PAX7: variants seen among roughly 807,000 people sequenced by gnomAD.
PAX7 encodes paired box 7.
A neutral mutation model predicts 50.7 loss-of-function variants in PAX7; 18 were observed. That is an observed-to-expected ratio of 0.36 (90% CI 0.25 to 0.53). The LOEUF (loss-of-function observed/expected upper bound fraction) is 0.53, where lower values mean the gene tolerates loss of function less well. PAX7 is among the 20% of genes least tolerant of loss of function. PAX7 has a pLI of 0.93. For missense variants in PAX7, 644 were observed against 702.9 expected (o/e 0.92, Z 0.95); for synonymous variants, 310 against 290.4 (o/e 1.07, Z -0.69).
In PAX7 at chr1:18,703,114, C is replaced by G; in HGVS notation, c.973C>G (p.Arg325Gly). The change falls in exon 7 of 9, where the codon CGG becomes GGG. Residue 325 changes from arginine (R) to glycine (G), a missense_variant. Physicochemically the swap from Arg to Gly is moderately radical, Grantham distance 125. Transcript: ENST00000420770. ...TACAGATGGGGGCAGCACTGTGCACCGGCCTCAGCCCCTGCCACCGTCCAC... is the reference window on the plus strand; with the variant it reads ...TACAGATGGGGGCAGCACTGTGCACGGGCCTCAGCCCCTGCCACCGTCCAC... ...ISQDGGSTVHRPQPLPPSTMH... is the reference protein window; with the variant it reads ...ISQDGGSTVHGPQPLPPSTMH... 1 of 1,613,786 alleles carries G rather than the reference C, an allele frequency of 6.2e-7. No homozygotes were observed. The highest frequency in any genetic ancestry group is 8.5e-7 in the Non-Finnish European group (1 of 1,179,860).
At chr1:18,650,593 T>C (rs1044573724) in intron 4 of PAX7, among the ~76,000 whole-genome samples, 1 of 152,202 alleles carries the variant, frequency 6.6e-6, no homozygotes, top group Non-Finnish European at 1.5e-5. Context: ...ATTTGGGACA[T>C]CTGAGTACAG....
intron 4 of PAX7, among the ~76,000 whole-genome samples, chr1:18,637,909 G>A (rs990160116): frequency 6.6e-6 from 1 of 152,248 alleles, no homozygotes; most frequent in African/African-American, 2.4e-5. Context: ...TCTGCGGCGG[G>A]AGGCAGCCCT....
At chr1:18,734,436 C>A (rs1346801555) in intron 7 of PAX7, among the ~76,000 whole-genome samples, 8 of 152,014 alleles carry the variant, frequency 5.3e-5, no homozygotes, top group Admixed American at 1.3e-4. Flanking sequence ...CACTGGGACA[C>A]TGTGCCCTCT....
chr1:18,684,243 C>T (rs932697006), intron 4 of PAX7, among the ~76,000 whole-genome samples: 2 of 152,196 alleles, frequency 1.3e-5, no homozygotes, highest in African/African-American at 4.8e-5. Flanking sequence ...GACTCGGGAT[C>T]TCCTGGCCTC....
chr1:18,713,047 C>T (rs2089375536), intron 7 of PAX7, among the ~76,000 whole-genome samples: 1 of 152,096 alleles, frequency 6.6e-6, no homozygotes, highest in Admixed American at 6.5e-5. Flanking sequence ...ACGCTACTGC[C>T]TTCAAGCCGG....
At chr1:18,645,468 G>A (rs1398101460) in intron 4 of PAX7, among the ~76,000 whole-genome samples, 1 of 152,218 alleles carries the variant, frequency 6.6e-6, no homozygotes, top group Non-Finnish European at 1.5e-5. Context: ...ATGGGACCCA[G>A]ACCCTACAGA....
chr1:18,634,266 C>A lies in PAX7; in HGVS notation c.86-37C>A. 2 of 1,541,214 alleles carry A rather than the reference C, an allele frequency of 1.3e-6. No individual in the cohort carries two copies. The highest frequency in any genetic ancestry group is 1.8e-6 in the Non-Finnish European group (2 of 1,120,784). ...GTGTCTGCTCTCCATCCTCACCCTG[C>A]ACCTCTCTCCTTCTGCATCTCCCCT... On this transcript the variant is annotated intron_variant, in intron 1 of 8. Transcript: ENST00000420770. This position sits in a 1 kb window ranked among gnomAD's most constrained non-coding sequence, Gnocchi z 4.0.
rs778938221 is a variant in PAX7, at chr1:18,710,419, C to T, written c.1155+7123C>T. Among the ~76,000 whole-genome samples the T allele has an allele frequency of 4.6e-5, 7 of 151,986 alleles. No homozygotes were observed. The East Asian group carries it at 7.7e-4, about 17-fold the overall frequency. On this transcript the variant is annotated intron_variant, in intron 7 of 8. Coordinates refer to ENST00000420770, the MANE Select transcript of PAX7 (RefSeq NM_001135254.2). The stretch of plus-strand genomic sequence containing the variant: ...CTTCATGCCCCCACCCCTTCATTGG[C>T]GACACTGCGTTTATAATAGGCATTT...
chr1:18,657,490 G>C (rs773833516), intron 4 of PAX7, among the ~76,000 whole-genome samples: 20 of 152,036 alleles, frequency 1.3e-4, no homozygotes, highest in Non-Finnish European at 2.6e-4. Context: ...CCAGAGGAAG[G>C]GTTCCTGGCT....
Position 18,632,311 on chromosome 1 carries a change from G to GAGAGAACCTCTAAACGGCGAGGTTT in PAX7, c.85+645_85+669dup, listed in dbSNP as rs534973189. ...CTTCCGCACTCTGGAAATCTCCCGG[G>GAGAGAACCTCTAAACGGCGAGGTTT]AGAGAACCTCTAAACGGCGAGGTTT... is the stretch of plus-strand genomic sequence containing the variant. On this transcript the variant is annotated intron_variant, in intron 1 of 8. Coordinates refer to ENST00000420770, the MANE Select transcript of PAX7 (RefSeq NM_001135254.2). The surrounding 1 kb of genome is among the most constrained non-coding windows in gnomAD (Gnocchi z 6.3). Among the ~76,000 whole-genome samples, 63 of 152,306 alleles carry GAGAGAACCTCTAAACGGCGAGGTTT rather than the reference G, an allele frequency of 4.1e-4. No individual in the cohort carries two copies. Among genetic ancestry groups the GAGAGAACCTCTAAACGGCGAGGTTT allele is most frequent in the Admixed American group, 8.5e-4 (13 of 15,302 alleles).
intron 4 of PAX7, among the ~76,000 whole-genome samples, chr1:18,646,116 C>A (rs1356936084): frequency 6.6e-6 from 1 of 152,232 alleles, no homozygotes; most frequent in Non-Finnish European, 1.5e-5. Context: ...AAATGCCCAC[C>A]CGTTCTACCT....
chr1:18,677,653 A>C (rs1013912249), intron 4 of PAX7, among the ~76,000 whole-genome samples: 1 of 152,174 alleles, frequency 6.6e-6, no homozygotes, highest in Non-Finnish European at 1.5e-5. Context: ...CTGGAGGGAA[A>C]AGAAACTGGC....
intron 4 of PAX7, among the ~76,000 whole-genome samples, chr1:18,664,406 A>C (rs2088638867): frequency 6.6e-6 from 1 of 152,192 alleles, no homozygotes; most frequent in Non-Finnish European, 1.5e-5. Flanking sequence ...GAGGCGTAAC[A>C]AATGGGGAGC....
chr1:18,741,135 G>T (rs1327915835), intron 8 of PAX7, among the ~76,000 whole-genome samples: 1 of 152,170 alleles, frequency 6.6e-6, no homozygotes, highest in Non-Finnish European at 1.5e-5. Flanking sequence ...CTAGAAGAGA[G>T]GATTTGAAAC....
At chr1:18,671,179 G>C (rs564993261) in intron 4 of PAX7, among the ~76,000 whole-genome samples, 1 of 152,206 alleles carries the variant, frequency 6.6e-6, no homozygotes, top group Admixed American at 6.5e-5. Context: ...GGCCTAGAAG[G>C]CAATTCGGGA....
At chr1:18,652,899 C>G (rs535776508) in intron 4 of PAX7, among the ~76,000 whole-genome samples, 1 of 152,294 alleles carries the variant, frequency 6.6e-6, no homozygotes, top group Admixed American at 6.5e-5. Context: ...CCAGCCATGC[C>G]CCGTGGGTAT....
At chr1:18,692,235 A>G (rs2089082536) in intron 5 of PAX7, among the ~76,000 whole-genome samples, 1 of 151,996 alleles carries the variant, frequency 6.6e-6, no homozygotes, top group African/African-American at 2.4e-5. Flanking sequence ...AGAAGGACAA[A>G]AGAAGGAATG....
chr1:18,690,918 C>T (rs143698791), intron 4 of PAX7, among the ~76,000 whole-genome samples: 19 of 152,262 alleles, frequency 1.2e-4, no homozygotes, highest in Non-Finnish European at 1.9e-4. Flanking sequence ...CCAGGGTCAC[C>T]AGCATTTAGG....
intron 5 of PAX7, among the ~76,000 whole-genome samples, chr1:18,695,767 T>C (rs969787339): frequency 2.0e-5 from 3 of 152,192 alleles, no homozygotes; most frequent in African/African-American, 7.2e-5. Context: ...CCTGAGCCTG[T>C]GAATTTCTTC....
Sources: gnomAD v4.1 joint callset for allele counts (sites outside exome capture counted in the v4.1 genomes callset) on GRCh38, gnomAD v4.1.1 for gene constraint, Gnocchi (gnomAD v3.1) non-coding constraint, MANE v1.5 for transcripts, NCBI Gene and HGNC (gene_info 2026-07-23, HGNC 2026-07-21) for gene names.